The following TRPC5 variants were observed in gnomAD, a reference collection of about 807,000 sequenced individuals.
The protein encoded by TRPC5 is short transient receptor potential channel 5.
Under a neutral mutation model 56.5 loss-of-function variants are expected in TRPC5, and 9 were observed. That is an observed-to-expected ratio of 0.16 (90% CI 0.10 to 0.28). The LOEUF (loss-of-function observed/expected upper bound fraction) is 0.28, where lower values mean the gene tolerates loss of function less well. Among genes scored for constraint, TRPC5 ranks in the 10% least tolerant of loss-of-function variants. The probability of loss-of-function intolerance (pLI) is 1.00; values close to 1 mark genes in which losing one functional copy is unlikely to be tolerated. For synonymous variants in TRPC5, 282 were observed against 278.5 expected, an observed-to-expected ratio of 1.01 and a Z score of -0.13; for missense variants, 469 against 748.9, an observed-to-expected ratio of 0.63 and a Z score of 4.36.
At chrX:111,835,572 A>G (rs1922539609) in intron 6 of TRPC5, among the ~76,000 whole-genome samples, 1 of 111,662 alleles carries the variant, frequency 9.0e-6, no homozygotes, top group South Asian at 3.8e-4. Flanking sequence ...GTGGATCACA[A>G]GGTCAGGAGA....
intron 1 of TRPC5, among the ~76,000 whole-genome samples, chrX:111,983,459 C>T (rs771419488): frequency 2.7e-5 from 3 of 110,990 alleles, no homozygotes; most frequent in Non-Finnish European, 5.6e-5. Flanking sequence ...CTTTGGTGAG[C>T]ATTTACATGG....
intron 1 of TRPC5, among the ~76,000 whole-genome samples, chrX:111,998,185 C>A (rs1211981332): frequency 1.8e-5 from 2 of 111,946 alleles, no homozygotes; most frequent in Non-Finnish European, 3.8e-5. Context: ...CAGAAATCAT[C>A]CATCTTCTGT....
intron 1 of TRPC5, among the ~76,000 whole-genome samples, chrX:112,039,674 T>C (rs1315606077): frequency 9.0e-6 from 1 of 111,536 alleles, no homozygotes; most frequent in Non-Finnish European, 1.9e-5. Context: ...GGATCAAGGA[T>C]GGTCAGTTCT....
chrX:111,823,160 A>T (rs1286085433), intron 7 of TRPC5, among the ~76,000 whole-genome samples: 1 of 111,811 alleles, frequency 8.9e-6, no homozygotes, highest in Non-Finnish European at 1.9e-5. Context: ...TGTGGCAAAG[A>T]GCTCTCAGCC....
intron 1 of TRPC5, among the ~76,000 whole-genome samples, chrX:112,000,873 C>G (rs1928679710): frequency 8.9e-6 from 1 of 112,084 alleles, no homozygotes; most frequent in South Asian, 3.7e-4. Context: ...TCCTGATTTG[C>G]CTGGCAGTGT....
chrX:111,998,693 C>T (rs1359478561), intron 1 of TRPC5, among the ~76,000 whole-genome samples: 1 of 111,633 alleles, frequency 9.0e-6, no homozygotes, highest in Admixed American at 9.5e-5. Context: ...ACAGTATTCA[C>T]AGGATACAAA....
intron 1 of TRPC5, among the ~76,000 whole-genome samples, chrX:112,011,865 A>T (rs1177398204): frequency 8.9e-6 from 1 of 112,128 alleles, no homozygotes; most frequent in Non-Finnish European, 1.9e-5. Context: ...AGATAGTATC[A>T]AACTTCATGT....
At chrX:111,827,386 C>A (rs1157023412) in intron 7 of TRPC5, among the ~76,000 whole-genome samples, 1 of 111,104 alleles carries the variant, frequency 9.0e-6, no homozygotes, top group Non-Finnish European at 1.9e-5. Context: ...GACCTGTAGA[C>A]CACCCAATGC....
At position 111,897,142 on chromosome X, in the gene TRPC5, C is replaced by T. The variant is rs1477066681; in HGVS notation, c.900+15149G>A. Among the ~76,000 whole-genome samples the T allele has an allele frequency of 4.5e-5, 5 of 111,323 alleles. No homozygotes were observed. In the South Asian group the frequency reaches 1.1e-3, roughly 25 times the overall value. ...TTCATGTTTAGACTTGGGTCCCATT[C>T]CTAAGATATCTCATTATGTATATTT... On this transcript the variant is annotated intron_variant, in intron 3 of 10. Transcript: ENST00000262839.
At chrX:111,791,878 A>T (rs1335938655) in intron 7 of TRPC5, among the ~76,000 whole-genome samples, 1 of 112,273 alleles carries the variant, frequency 8.9e-6, no homozygotes. Context: ...AATTAGTTCA[A>T]CCCTGTGGAA....
intron 1 of TRPC5, among the ~76,000 whole-genome samples, chrX:112,000,648 T>C (rs1928674410): frequency 8.9e-6 from 1 of 112,054 alleles, no homozygotes; most frequent in Non-Finnish European, 1.9e-5. Flanking sequence ...GATTAGATGA[T>C]GTAATACATT....
chrX:112,058,970 G>A (rs921092064), intron 1 of TRPC5, among the ~76,000 whole-genome samples: 3 of 111,363 alleles, frequency 2.7e-5, no homozygotes, highest in Non-Finnish European at 3.8e-5. Flanking sequence ...GTTGGAATTA[G>A]AAGAACCCAG....
intron 2 of TRPC5, among the ~76,000 whole-genome samples, chrX:111,922,276 T>TAC (rs1346509161): frequency 8.9e-6 from 1 of 111,980 alleles, no homozygotes; most frequent in Non-Finnish European, 1.9e-5. Context: ...GCCTCATTCA[T>TAC]ACACACAATG....
intron 7 of TRPC5, among the ~76,000 whole-genome samples, chrX:111,786,915 G>A (rs761068509): frequency 3.2e-4 from 36 of 111,350 alleles, no homozygotes; most frequent in Non-Finnish European, 5.5e-4. Context: ...GATTCATAAA[G>A]CAAGTCCTTA....
intron 3 of TRPC5, among the ~76,000 whole-genome samples, chrX:111,887,825 C>T (rs1204438995): frequency 8.9e-6 from 1 of 112,034 alleles, no homozygotes; most frequent in Non-Finnish European, 1.9e-5. Context: ...TGCACTTAGA[C>T]AAAACAGAGA....
intron 9 of TRPC5, among the ~76,000 whole-genome samples, chrX:111,779,498 G>A (rs1479584442): frequency 8.9e-6 from 1 of 111,762 alleles, no homozygotes; most frequent in African/African-American, 3.3e-5. Flanking sequence ...ACATAGTGAA[G>A]ATATTTTTCT....
At chrX:111,903,490 A>G (rs1294455091) in intron 3 of TRPC5, 2 of 112,279 alleles carry the variant, frequency 1.8e-5, no homozygotes, top group Non-Finnish European at 3.8e-5. Flanking sequence ...AGATGTTGCT[A>G]TAAACAGCTG....
intron 7 of TRPC5, among the ~76,000 whole-genome samples, chrX:111,818,533 A>G (rs1336930366): frequency 1.8e-5 from 2 of 110,818 alleles, no homozygotes. Flanking sequence ...AATTAATTGA[A>G]GACCCAAAGG....
chrX:112,008,599 CAAAA>C lies in TRPC5; in HGVS notation c.-21-56162_-21-56159del, dbSNP rs771663324. Among the ~76,000 whole-genome samples the C allele has an allele frequency of 1.5e-3, 113 of 74,025 alleles. 1 individual carries two copies. The highest frequency in any genetic ancestry group is 4.9e-3 in the African/African-American group (111 of 22,442). 64.3% of individuals were successfully genotyped at this position (74,025 alleles called of 115,157 possible). A position where few individuals can be genotyped will look rare whatever the true frequency, so the allele number is the denominator to read the frequency against. On this transcript the variant is annotated intron_variant, in intron 1 of 10. Transcript: ENST00000262839. Reference sequence around the variant, plus strand: ...TGGGTGACAAAGCAAGACTCTGTCTCAAAAAAAAAAAAAAAATATAGAGAGAAGG... The same window carrying C: ...TGGGTGACAAAGCAAGACTCTGTCTCAAAAAAAAAAAATATAGAGAGAAGG...
Sources: gnomAD v4.1 joint callset for allele counts (sites outside exome capture counted in the v4.1 genomes callset) on GRCh38, gnomAD v4.1.1 for gene constraint, MANE v1.5 for transcripts, NCBI Gene and HGNC (gene_info 2026-07-23, HGNC 2026-07-21) for gene names.